SLCO1B1: variants seen among roughly 807,000 people sequenced by gnomAD.
SLCO1B1 encodes the protein solute carrier organic anion transporter family member 1B1.
A neutral mutation model predicts 70.1 loss-of-function variants in SLCO1B1; 81 were observed. The observed-to-expected ratio is 1.16, with a 90% confidence interval of 0.97 to 1.39. The LOEUF (loss-of-function observed/expected upper bound fraction) is 1.39. Among genes scored for constraint, SLCO1B1 ranks in the 40% most tolerant of loss-of-function variants. The pLI, the probability that SLCO1B1 is intolerant of heterozygous loss-of-function variation, is 0.00. For synonymous variants in SLCO1B1, 283 were observed against 271.5 expected, an observed-to-expected ratio of 1.04 and a Z score of -0.42; for missense variants, 895 against 799.6, an observed-to-expected ratio of 1.12 and a Z score of -1.44.
intron 11 of SLCO1B1, among the ~76,000 whole-genome samples, chr12:21,215,606 T>C (rs1941348464): frequency 6.6e-6 from 1 of 152,194 alleles, no homozygotes; most frequent in African/African-American, 2.4e-5. Context: ...ATTTTGCACC[T>C]ATATGCATCT....
chr12:21,214,665 G>A (rs549796923), intron 11 of SLCO1B1, among the ~76,000 whole-genome samples: 132 of 151,400 alleles, frequency 8.7e-4, no homozygotes, highest in African/African-American at 1.7e-3. Flanking sequence ...CCCCAGCCTC[G>A]CTGCCGCCTT....
At chr12:21,181,743 T>C (rs1169403888) in intron 7 of SLCO1B1, among the ~76,000 whole-genome samples, 1 of 152,136 alleles carries the variant, frequency 6.6e-6, no homozygotes, top group Non-Finnish European at 1.5e-5. Context: ...ACAATAGGTT[T>C]AAATTATGCT....
chr12:21,183,034 T>A (rs2417962), intron 7 of SLCO1B1, among the ~76,000 whole-genome samples: 151,167 of 152,334 alleles, frequency 0.99, 75,011 homozygotes, highest in East Asian at 1. Context: ...GTGTCCCCTA[T>A]GGCCCAGGCA....
Position 21,182,705 on chromosome 12 carries a change from G to C in SLCO1B1, c.727+3685G>C, listed in dbSNP as rs4620775. On this transcript the variant is annotated intron_variant, in intron 7 of 14. Transcript: ENST00000256958. ...AGTGTAGCTACTGCCTGAACCAGAG[G>C]GGCCAGACAGTGGAGACACAGGCTA... Among the ~76,000 whole-genome samples, 304 of 152,210 alleles carry C rather than the reference G, an allele frequency of 2.0e-3. 3 individuals carry two copies. The highest frequency in any genetic ancestry group is 7.2e-3 in the African/African-American group (299 of 41,530).
At chr12:21,214,705 A>T (rs1941336382) in intron 11 of SLCO1B1, among the ~76,000 whole-genome samples, 2 of 151,956 alleles carry the variant, frequency 1.3e-5, no homozygotes, top group African/African-American at 4.8e-5. Context: ...CTGTGCTAGC[A>T]ATCAGCGAGA....
intron 2 of SLCO1B1, among the ~76,000 whole-genome samples, chr12:21,150,147 C>T (rs990178153): frequency 6.6e-6 from 1 of 152,180 alleles, no homozygotes; most frequent in Non-Finnish European, 1.5e-5. Context: ...TCTCTAGATT[C>T]CTCCTCTCTG....
intron 14 of SLCO1B1, among the ~76,000 whole-genome samples, chr12:21,230,100 T>C (rs1941518296): frequency 6.6e-6 from 1 of 152,144 alleles, no homozygotes; most frequent in African/African-American, 2.4e-5. Context: ...AAATTCACTT[T>C]TCTAGATCTA....
intron 7 of SLCO1B1, among the ~76,000 whole-genome samples, chr12:21,194,217 A>G (rs1941065899): frequency 6.7e-6 from 1 of 149,034 alleles, no homozygotes; most frequent in African/African-American, 2.5e-5. Context: ...GGGTTTCTCC[A>G]TGTTGGTCAG....
chr12:21,180,163 C>G (rs1357061333), intron 7 of SLCO1B1, among the ~76,000 whole-genome samples: 1 of 152,126 alleles, frequency 6.6e-6, no homozygotes, highest in Non-Finnish European at 1.5e-5. Context: ...AAAATCTGAT[C>G]TCATCACCTT....
chr12:21,234,881 T>C (rs1438187722), intron 14 of SLCO1B1, among the ~76,000 whole-genome samples: 1 of 152,198 alleles, frequency 6.6e-6, no homozygotes, highest in Non-Finnish European at 1.5e-5. Context: ...GATTTCTATT[T>C]TTATTCTGCT....
chr12:21,195,417 G>T (rs1052375313), intron 7 of SLCO1B1, among the ~76,000 whole-genome samples: 2 of 151,378 alleles, frequency 1.3e-5, no homozygotes, highest in African/African-American at 4.9e-5. Context: ...TGTTTTCTTT[G>T]TTTTTTGTTT....
At chr12:21,137,208 G>A (rs1314026348) in intron 1 of SLCO1B1, among the ~76,000 whole-genome samples, 1 of 152,120 alleles carries the variant, frequency 6.6e-6, no homozygotes. Flanking sequence ...TCTCAGAGGA[G>A]TACCCGACCG....
intron 2 of SLCO1B1, among the ~76,000 whole-genome samples, chr12:21,143,916 C>T (rs1419896552): frequency 6.6e-6 from 1 of 152,046 alleles, no homozygotes; most frequent in Non-Finnish European, 1.5e-5. Context: ...CATGTTGTTA[C>T]TGACTTACAT....
chr12:21,183,115 A>C (rs185267631), intron 7 of SLCO1B1, among the ~76,000 whole-genome samples: 2 of 152,312 alleles, frequency 1.3e-5, no homozygotes, highest in African/African-American at 4.8e-5. Context: ...TGAAAAACAA[A>C]AGAGTTATGT....
chr12:21,161,554 A>T (rs1205699827), intron 2 of SLCO1B1, among the ~76,000 whole-genome samples: 1 of 152,144 alleles, frequency 6.6e-6, no homozygotes, highest in Non-Finnish European at 1.5e-5. Flanking sequence ...AGCAGAAGAA[A>T]TAACTATTGA....
chr12:21,198,949 G>A (rs759316542), intron 8 of SLCO1B1, among the ~76,000 whole-genome samples: 1 of 151,972 alleles, frequency 6.6e-6, no homozygotes, highest in African/African-American at 2.4e-5. Context: ...GTTGAAGAAA[G>A]GCCACAACTC....
intron 14 of SLCO1B1, among the ~76,000 whole-genome samples, chr12:21,228,809 T>G (rs1243808109): frequency 6.6e-6 from 1 of 152,134 alleles, no homozygotes; most frequent in Non-Finnish European, 1.5e-5. Flanking sequence ...AGACAAGTAT[T>G]AGGCTTCTAA....
At chr12:21,135,833 C>T (rs564214282) in intron 1 of SLCO1B1, among the ~76,000 whole-genome samples, 1 of 152,300 alleles carries the variant, frequency 6.6e-6, no homozygotes, top group East Asian at 1.9e-4. Flanking sequence ...AGCCCATTTA[C>T]ATTTAAAGTT....
intron 14 of SLCO1B1, among the ~76,000 whole-genome samples, chr12:21,234,246 G>T (rs1048177172): frequency 1.3e-5 from 2 of 152,132 alleles, no homozygotes; most frequent in African/African-American, 4.8e-5. Context: ...CACAGGATGA[G>T]ATAGGCCAGT....
Sources: allele counts gnomAD v4.1 joint callset (sites outside exome capture counted in the v4.1 genomes callset), GRCh38; gene constraint gnomAD v4.1.1; transcripts MANE v1.5; gene names NCBI Gene and HGNC (gene_info 2026-07-23, HGNC 2026-07-21).